The following SNTG2 variants were observed in gnomAD, a reference collection of about 807,000 sequenced individuals.
The protein encoded by SNTG2 is gamma-2-syntrophin.
A neutral mutation model predicts 70.9 loss-of-function variants in SNTG2; 74 were observed. The ratio of observed to expected loss-of-function variants is 1.04; its 90% CI spans 0.86 to 1.27. The LOEUF (loss-of-function observed/expected upper bound fraction) is 1.27. Ranked by LOEUF, SNTG2 falls within the 50% of genes most tolerant of loss-of-function variation. The probability of loss-of-function intolerance (pLI) is 0.00; values close to 1 mark genes in which losing one functional copy is unlikely to be tolerated. For synonymous variants in SNTG2, 278 were observed against 273.8 expected, an observed-to-expected ratio of 1.02 and a Z score of -0.15; for missense variants, 717 against 690.7, an observed-to-expected ratio of 1.04 and a Z score of -0.43.
At chr2:1,087,669 A>G (rs1485432011) in intron 2 of SNTG2, among the ~76,000 whole-genome samples, 1 of 152,250 alleles carries the variant, frequency 6.6e-6, no homozygotes, top group Non-Finnish European at 1.5e-5. Context: ...AATTAAGACC[A>G]TTAAATAACG....
rs80186656 is a variant in SNTG2, at chr2:1,023,184, A to G, written c.73-60334A>G. Among the ~76,000 whole-genome samples the G allele has an allele frequency of 6.8e-3, 1,023 of 151,014 alleles. 11 individuals are homozygous for G. Among genetic ancestry groups the G allele is most frequent in the African/African-American group, 0.024 (967 of 41,100 alleles). On this transcript the variant is annotated intron_variant, in intron 1 of 16. Transcript: ENST00000308624. ...TTATTTTCTGGCCCGTGTCTTGAGG[A>G]GAGAATTAGTCTGGGCCCATGTTAT...
chr2:1,140,760 A>G (rs751604763), intron 6 of SNTG2, among the ~76,000 whole-genome samples: 18 of 152,228 alleles, frequency 1.2e-4, no homozygotes, highest in Non-Finnish European at 2.4e-4. Flanking sequence ...AAAGTAAGAT[A>G]CTGTAATAGA....
chr2:1,127,864 T>G (rs578104506), intron 4 of SNTG2, among the ~76,000 whole-genome samples: 1 of 152,170 alleles, frequency 6.6e-6, no homozygotes, highest in Non-Finnish European at 1.5e-5. Flanking sequence ...TGGTAGAACC[T>G]TTAGGTTTTT....
chr2:1,012,256 G>A (rs1659749600), intron 1 of SNTG2, among the ~76,000 whole-genome samples: 1 of 152,208 alleles, frequency 6.6e-6, no homozygotes, highest in Non-Finnish European at 1.5e-5. Context: ...TTGCCATGGA[G>A]CTTCCATTAG....
chr2:1,203,673 AAT>A lies in SNTG2; in HGVS notation c.592-5413_592-5412del, dbSNP rs534989970. 1.9e-3 allele frequency among the ~76,000 whole-genome samples: 218 copies of A among 115,538 alleles called. 3 individuals are homozygous for A. The highest frequency in any genetic ancestry group is 0.018 in the East Asian group (44 of 2,438). The allele number at this position is 115,538 out of a possible 152,430, so 75.8% of individuals were successfully genotyped here. On this transcript the variant is annotated intron_variant, in intron 8 of 16. Coordinates refer to ENST00000308624, the MANE Select transcript of SNTG2 (RefSeq NM_018968.4). ...TGTCTCAAAAACAAACAAAAAAAAA[AAT>A]ATATATATATATATATGTGTGTGTG...
In SNTG2 at chr2:1,292,142, G is replaced by A. The variant is rs139181937; in HGVS notation, c.1285-16352G>A. ...CAATATCCTTTTCAGGTTGTTCGTT[G>A]TTAGCATATAGAAATAAAACTGATT... On this transcript the variant is annotated intron_variant, in intron 14 of 16. Coordinates refer to ENST00000308624, the MANE Select transcript of SNTG2 (RefSeq NM_018968.4). 6.5e-3 allele frequency among the ~76,000 whole-genome samples: 987 copies of A among 152,164 alleles called. 10 individuals carry two copies. Among genetic ancestry groups the A allele is most frequent in the East Asian group, 0.04 (207 of 5,174 alleles).
intron 4 of SNTG2, among the ~76,000 whole-genome samples, chr2:1,136,879 G>A (rs898066355): frequency 6.6e-6 from 1 of 152,310 alleles, no homozygotes; most frequent in East Asian, 1.9e-4. Context: ...TCTAGGTACA[G>A]TTGTTTTGAT....
At chr2:1,272,219 T>C (rs1374711260) in intron 14 of SNTG2, among the ~76,000 whole-genome samples, 2 of 149,384 alleles carry the variant, frequency 1.3e-5, no homozygotes, top group Non-Finnish European at 3.0e-5. Flanking sequence ...TGAGTTTGTG[T>C]TCCTGCAACT....
chr2:1,158,084 G>A (rs1188698000), intron 6 of SNTG2, among the ~76,000 whole-genome samples: 2 of 152,188 alleles, frequency 1.3e-5, no homozygotes, highest in Non-Finnish European at 2.9e-5. Flanking sequence ...TCAGCATCAT[G>A]CTCAAAGGGC....
intron 11 of SNTG2, among the ~76,000 whole-genome samples, chr2:1,243,882 C>G (rs944284528): frequency 6.6e-6 from 1 of 152,176 alleles, no homozygotes; most frequent in African/African-American, 2.4e-5. Context: ...AAAAATTAGC[C>G]GGGCGTGGTG....
chr2:1,238,533 TG>T (rs200968049), intron 10 of SNTG2, among the ~76,000 whole-genome samples: 1,909 of 152,316 alleles, frequency 0.013, 32 homozygotes, highest in African/African-American at 0.043. Context: ...AAGTGATGTT[TG>T]ATATTAAAAG....
At chr2:979,049 C>T (rs1250030539) in intron 1 of SNTG2, among the ~76,000 whole-genome samples, 2 of 152,140 alleles carry the variant, frequency 1.3e-5, no homozygotes, top group Admixed American at 6.5e-5. Flanking sequence ...TCCTAGGGAG[C>T]ATTGAAGTGA....
At chr2:1,299,167 G>A (rs1680344492) in intron 14 of SNTG2, among the ~76,000 whole-genome samples, 1 of 152,202 alleles carries the variant, frequency 6.6e-6, no homozygotes, top group Non-Finnish European at 1.5e-5. Flanking sequence ...GTCAGAGGCA[G>A]GAACATGCCC....
intron 16 of SNTG2, among the ~76,000 whole-genome samples, chr2:1,352,101 C>T (rs1446658493): frequency 6.6e-6 from 1 of 152,204 alleles, no homozygotes; most frequent in African/African-American, 2.4e-5. Context: ...CGCTTTCTAA[C>T]TCACTACACT....
intron 1 of SNTG2, among the ~76,000 whole-genome samples, chr2:1,069,855 A>G (rs1159728576): frequency 6.6e-6 from 1 of 152,108 alleles, no homozygotes; most frequent in African/African-American, 2.4e-5. Context: ...TGTCTAGTTG[A>G]TAACTCAGCT....
At chr2:1,290,174 TCA>T (rs796720233) in intron 14 of SNTG2, among the ~76,000 whole-genome samples, 43 of 152,258 alleles carry the variant, frequency 2.8e-4, no homozygotes, top group African/African-American at 9.4e-4. Context: ...TTTAATTGAC[TCA>T]CAGTTCCACA....
intron 8 of SNTG2, among the ~76,000 whole-genome samples, chr2:1,198,225 A>G (rs1362942192): frequency 1.3e-5 from 2 of 152,136 alleles, no homozygotes; most frequent in Non-Finnish European, 2.9e-5. Context: ...TAAATATATG[A>G]AAATTAAACT....
In SNTG2 at chr2:1,203,205, A is replaced by T. The variant is rs570397940; in HGVS notation, c.592-5898A>T. Among the ~76,000 whole-genome samples the T allele has an allele frequency of 3.9e-5, 6 of 152,206 alleles. No homozygotes were observed. In the South Asian group the frequency reaches 1.2e-3, roughly 32 times the overall value. ...TTAGGACTAAAAAGATTTATACAAA[A>T]CTCAAGTATCCTGCAACTGGTGAAT... On this transcript the variant is annotated intron_variant, in intron 8 of 16. Coordinates refer to ENST00000308624, the MANE Select transcript of SNTG2 (RefSeq NM_018968.4).
chr2:1,079,968 T>C (rs1192745766), intron 1 of SNTG2, among the ~76,000 whole-genome samples: 2 of 152,218 alleles, frequency 1.3e-5, no homozygotes. Flanking sequence ...GGCCCACTGC[T>C]CACTGTGGAC....
Sources: allele counts gnomAD v4.1 joint callset (sites outside exome capture counted in the v4.1 genomes callset), GRCh38; gene constraint gnomAD v4.1.1; transcripts MANE v1.5; gene names NCBI Gene and HGNC (gene_info 2026-07-23, HGNC 2026-07-21).